Variants in ABCB1 observed in about 807,000 individuals in gnomAD.
ABCB1 encodes the protein ATP binding cassette subfamily B member 1.
A neutral mutation model predicts 142.0 loss-of-function variants in ABCB1; 69 were observed. The ratio of observed to expected loss-of-function variants is 0.49; its 90% CI spans 0.40 to 0.59. The LOEUF (loss-of-function observed/expected upper bound fraction) is 0.59, where lower values mean the gene tolerates loss of function less well. Ranked by LOEUF, ABCB1 falls within the 20% of genes least tolerant of loss-of-function variation. The pLI is 0.00. For synonymous variants in ABCB1, 532 were observed against 539.2 expected, an observed-to-expected ratio of 0.99 and a Z score of 0.18; for missense variants, 1,326 against 1,554.7, an observed-to-expected ratio of 0.85 and a Z score of 2.47.
chr7:87,534,461 A>G (rs564898111), intron 20 of ABCB1, among the ~76,000 whole-genome samples: 1 of 152,276 alleles, frequency 6.6e-6, no homozygotes, highest in East Asian at 1.9e-4. Flanking sequence ...TAGTAAACCA[A>G]TTATAAAAAA....
At chr7:87,567,196 C>T (rs891045724) in intron 5 of ABCB1, among the ~76,000 whole-genome samples, 2 of 152,180 alleles carry the variant, frequency 1.3e-5, no homozygotes, top group Admixed American at 1.3e-4. Flanking sequence ...GGCTCAAATC[C>T]CAGCTCTTCA....
At chr7:87,619,770 A>G (rs1373486935) in intron 1 of ABCB1, among the ~76,000 whole-genome samples, 8 of 151,764 alleles carry the variant, frequency 5.3e-5, no homozygotes, top group East Asian at 1.9e-4. Context: ...GTGTGTATAT[A>G]TATATATATA....
intron 4 of ABCB1, among the ~76,000 whole-genome samples, chr7:87,580,360 A>C (rs1818456902): frequency 6.6e-6 from 1 of 152,202 alleles, no homozygotes; most frequent in African/African-American, 2.4e-5. Context: ...TCAGCACTTT[A>C]AATATGTCAC....
chr7:87,542,816 T>C (rs6961417), intron 17 of ABCB1, among the ~76,000 whole-genome samples: 2,308 of 151,980 alleles, frequency 0.015, 67 homozygotes, highest in African/African-American at 0.052. Flanking sequence ...CATTTCCACA[T>C]TGCTGTTGTG....
chr7:87,508,639 T>G (rs1349218860), intron 26 of ABCB1, among the ~76,000 whole-genome samples: 1 of 152,148 alleles, frequency 6.6e-6, no homozygotes, highest in Admixed American at 6.5e-5. Flanking sequence ...TAAACAAAGT[T>G]TGGGGCCCAT....
intron 1 of ABCB1, among the ~76,000 whole-genome samples, chr7:87,704,200 C>T (rs1391901607): frequency 1.3e-5 from 2 of 152,046 alleles, no homozygotes; most frequent in East Asian, 3.8e-4. Flanking sequence ...GGATTATAGG[C>T]ATGAGCCACA....
chr7:87,521,086 T>C, intron 21 of ABCB1: 1 of 548,052 alleles, frequency 1.8e-6, no homozygotes, highest in Non-Finnish European at 3.2e-6. Context: ...ACTTCTCCTT[T>C]GCAGAAATAG....
intron 5 of ABCB1, among the ~76,000 whole-genome samples, chr7:87,567,686 C>T (rs1243387311): frequency 2.0e-5 from 3 of 152,140 alleles, no homozygotes; most frequent in South Asian, 2.1e-4. Flanking sequence ...CAAATAGTGG[C>T]CCTTCCAATT....
At chr7:87,551,945 T>A (rs976944353) in intron 9 of ABCB1, among the ~76,000 whole-genome samples, 1 of 152,172 alleles carries the variant, frequency 6.6e-6, no homozygotes, top group African/African-American at 2.4e-5. Flanking sequence ...ACTAGTTATA[T>A]GTTGTTAGGC....
intron 1 of ABCB1, among the ~76,000 whole-genome samples, chr7:87,606,813 G>A (rs1226544577): frequency 6.6e-6 from 1 of 151,932 alleles, no homozygotes. Context: ...TATTAAAAGT[G>A]TATTATTTTA....
chr7:87,562,297 C>T (rs1817590618), intron 7 of ABCB1, among the ~76,000 whole-genome samples: 2 of 152,268 alleles, frequency 1.3e-5, no homozygotes, highest in Non-Finnish European at 2.9e-5. Flanking sequence ...CTCTTTAGTA[C>T]CCAAAATAAT....
intron 23 of ABCB1, chr7:87,519,103 T>A: frequency 1.7e-6 from 1 of 585,544 alleles, no homozygotes. Context: ...TTTGAAAAGG[T>A]CAACTATGTG....
chr7:87,695,293 T>A (rs2130665867), intron 1 of ABCB1, among the ~76,000 whole-genome samples: 1 of 152,240 alleles, frequency 6.6e-6, no homozygotes, highest in East Asian at 1.9e-4. Context: ...ATAGTACCTT[T>A]TTAAAGGAAA....
At chr7:87,513,938 A>C (rs1815123546) in intron 25 of ABCB1, among the ~76,000 whole-genome samples, 1 of 152,222 alleles carries the variant, frequency 6.6e-6, no homozygotes, top group Non-Finnish European at 1.5e-5. Context: ...CGACGTCTTT[A>C]TTTAGAGTCC....
At chr7:87,666,990 A>G (rs1825319647) in intron 1 of ABCB1, among the ~76,000 whole-genome samples, 1 of 152,132 alleles carries the variant, frequency 6.6e-6, no homozygotes, top group Admixed American at 6.5e-5. Context: ...TTGGTTCAAT[A>G]TGAATTTTAA....
chr7:87,589,132 G>A (rs935875618), intron 3 of ABCB1, among the ~76,000 whole-genome samples: 1 of 152,086 alleles, frequency 6.6e-6, no homozygotes, highest in African/African-American at 2.4e-5. Context: ...ATGCTGAGTA[G>A]GACAAAAGCC....
chr7:87,678,423 A>T (rs1826591297), intron 1 of ABCB1, among the ~76,000 whole-genome samples: 1 of 152,196 alleles, frequency 6.6e-6, no homozygotes, highest in African/African-American at 2.4e-5. Flanking sequence ...ATTAAATATT[A>T]GGTGTTCTAT....
At chr7:87,575,670 G>A (rs1818242593) in intron 4 of ABCB1, among the ~76,000 whole-genome samples, 1 of 152,142 alleles carries the variant, frequency 6.6e-6, no homozygotes, top group Non-Finnish European at 1.5e-5. Flanking sequence ...TATGGCATTG[G>A]CCCAAACTGA....
chr7:87,610,696 G>A (rs1205483379), intron 1 of ABCB1, among the ~76,000 whole-genome samples: 1 of 152,040 alleles, frequency 6.6e-6, no homozygotes, highest in Admixed American at 6.5e-5. Context: ...CATCATCTTT[G>A]TTACTGTTTA....
Sources: gnomAD v4.1 joint callset for allele counts (sites outside exome capture counted in the v4.1 genomes callset) on GRCh38, gnomAD v4.1.1 for gene constraint, MANE v1.5 for transcripts, NCBI Gene and HGNC (gene_info 2026-07-23, HGNC 2026-07-21) for gene names.